The following MYOM1 variants were observed in gnomAD, a reference collection of about 807,000 sequenced individuals.
The protein encoded by MYOM1 is myomesin 1, also known as myomesin-1.
Under a neutral mutation model 205.3 loss-of-function variants are expected in MYOM1, and 164 were observed. The observed-to-expected ratio is 0.80, with a 90% confidence interval of 0.70 to 0.91. MYOM1 has a LOEUF of 0.91. Ranked by LOEUF, MYOM1 falls within the 40% of genes least tolerant of loss-of-function variation. The pLI is 0.00. For synonymous variants in MYOM1, 772 were observed against 789.4 expected (o/e 0.98, Z 0.37); for missense variants, 2,011 against 2,127.3 (o/e 0.95, Z 1.08).
At chr18:3,079,048 A>G in intron 34 of MYOM1, 131 bp downstream of exon 34, 2 of 777,416 alleles carry the variant, frequency 2.6e-6, no homozygotes, top group Non-Finnish European at 4.1e-6. Context: ...CCTGACTTCA[A>G]GTCATCCTCC....
chr18:3,169,086 A>G (rs1041418267), intron 8 of MYOM1, 105 bp from the exon 9 acceptor site: 3 of 964,776 alleles, frequency 3.1e-6, no homozygotes, highest in East Asian at 2.7e-5. Flanking sequence ...AAAAAAATGA[A>G]CAAATGAGCA....
At chr18:3,240,036 G>T in the MYOM1 span, among the ~76,000 whole-genome samples, 1 of 152,088 alleles carries the variant, frequency 6.6e-6, no homozygotes, top group South Asian at 2.1e-4. Context: ...TACAGATGAG[G>T]AAACTAAAAG....
intron 2 of MYOM1, 43 bp from the exon 3 acceptor site, chr18:3,194,001 ATTTACAATATT>A (rs766483274): frequency 6.3e-7 from 1 of 1,596,764 alleles, no homozygotes; most frequent in South Asian, 1.1e-5. Flanking sequence ...AAAAAAAGGC[ATTTACAATATT>A]CAAAATACGA....
In MYOM1 at chr18:3,157,468, A is replaced by G. The variant is rs75426535; in HGVS notation, c.1502-2380T>C. On this transcript the variant is annotated intron_variant, in intron 10 of 37. Transcript: ENST00000356443. ...CACTTTGGGTAGATCACTTGAGCCTAGGAATTCAAGAGCAGCCTGGGCAAC... is the reference window on the plus strand; with the variant it reads ...CACTTTGGGTAGATCACTTGAGCCTGGGAATTCAAGAGCAGCCTGGGCAAC... 2.3e-3 allele frequency among the ~76,000 whole-genome samples: 357 copies of G among 152,160 alleles called. 8 individuals carry two copies. The East Asian group carries it at 0.052, about 22-fold the overall frequency.
chr18:3,242,367 A>G, the MYOM1 span, among the ~76,000 whole-genome samples: 1 of 152,196 alleles, frequency 6.6e-6, no homozygotes, highest in African/African-American at 2.4e-5. Context: ...TTTAAAAAGG[A>G]GAGTTTCCCT....
Position 3,083,595 on chromosome 18 carries a change from A to AT in MYOM1, c.4484+193dup, listed in dbSNP as rs59299057. Among the ~76,000 whole-genome samples, 264 of 107,106 alleles carry AT rather than the reference A, an allele frequency of 2.5e-3. 2 individuals are homozygous for AT. The highest frequency in any genetic ancestry group is 0.016 in the Middle Eastern group (3 of 192). The allele number at this position is 107,106 out of a possible 152,430, so 70.3% of individuals were successfully genotyped here. On this transcript the variant is annotated intron_variant, in intron 33 of 37. Coordinates refer to ENST00000356443, the MANE Select transcript of MYOM1 (RefSeq NM_003803.4). Reference sequence around the variant, plus strand: ...AGGTGTCTGCCACTGCGCCCAGCTCATTTTTTTTTTTTTTTTTTTTTTGTA... The same window carrying AT: ...AGGTGTCTGCCACTGCGCCCAGCTCATTTTTTTTTTTTTTTTTTTTTTTGTA...
intron 13 of MYOM1, among the ~76,000 whole-genome samples, chr18:3,142,742 C>G (rs945305222): frequency 6.6e-6 from 1 of 152,200 alleles, no homozygotes; most frequent in Non-Finnish European, 1.5e-5. Context: ...GAACCCTCCA[C>G]AAGCAGGATT....
chr18:3,155,430 T>A (rs183262462), intron 10 of MYOM1, among the ~76,000 whole-genome samples: 1 of 152,210 alleles, frequency 6.6e-6, no homozygotes, highest in Non-Finnish European at 1.5e-5. Flanking sequence ...TTCACCGTGT[T>A]AGCCAGGATG....
At chr18:3,243,937 C>G in the MYOM1 span, among the ~76,000 whole-genome samples, 1 of 152,120 alleles carries the variant, frequency 6.6e-6, no homozygotes, top group African/African-American at 2.4e-5. Context: ...ACACCACCAC[C>G]TTACTCTGAG....
chr18:3,164,254 G>C (rs1171319210), intron 10 of MYOM1, 24 bp downstream of exon 10: 25 of 1,606,726 alleles, frequency 1.6e-5, no homozygotes, highest in Non-Finnish European at 2.1e-5. Context: ...ATTGTTAGGT[G>C]TTTTGTTTTT....
At chr18:3,171,139 C>T (rs1297484784) in intron 8 of MYOM1, among the ~76,000 whole-genome samples, 1 of 152,186 alleles carries the variant, frequency 6.6e-6, no homozygotes, top group Non-Finnish European at 1.5e-5. Flanking sequence ...GCCAGATTTG[C>T]ACCGGCTGGC....
intron 5 of MYOM1, among the ~76,000 whole-genome samples, chr18:3,186,802 G>GAGAAAGAAAGAAAGAGAA (rs2080819556): frequency 1.4e-5 from 2 of 138,788 alleles, no homozygotes; most frequent in African/African-American, 5.5e-5. Context: ...AAGAAAGAAA[G>GAGAAAGAAAGAAAGAGAA]AGAAAGAAAG....
rs750373702 is a variant in MYOM1, at chr18:3,112,337, A to G, written c.3379T>C (p.Ser1127Pro). The part of the protein sequence containing the change: ...AINQAGVGKP[S>P]DLAGPVVAET... ...GCCACAACAGGGCCAGCAAGGTCAG[A>G]TGGCTTCCCAACTCCCGCCTGGTTT... The change falls in exon 22 of 38, where the codon TCT becomes CCT. Residue 1127 changes from serine to proline, a missense_variant. Transcript: ENST00000356443. The G allele has an allele frequency of 6.2e-7, 1 of 1,613,066 alleles. No homozygotes were observed.
At chr18:3,103,746 A>G (rs1440428821) in intron 22 of MYOM1, among the ~76,000 whole-genome samples, 1 of 152,050 alleles carries the variant, frequency 6.6e-6, no homozygotes, top group Non-Finnish European at 1.5e-5. Flanking sequence ...TTGTTAGTGG[A>G]AAAAAAATTG....
chr18:3,157,680 A>AAAT (rs55669820), intron 10 of MYOM1, among the ~76,000 whole-genome samples: 32,678 of 139,422 alleles, frequency 0.23, 3,937 homozygotes, highest in East Asian at 0.3. Context: ...TTGTCTCCAA[A>AAAT]AATAATAATA....
chr18:3,109,448 G>A (rs2079495453), intron 22 of MYOM1, among the ~76,000 whole-genome samples: 1 of 152,220 alleles, frequency 6.6e-6, no homozygotes, highest in Non-Finnish European at 1.5e-5. Context: ...CAAGTTTGAT[G>A]TTCTGCTATC....
chr18:3,150,993 T>TTTTCA (rs2080211953), intron 12 of MYOM1, among the ~76,000 whole-genome samples: 1 of 148,300 alleles, frequency 6.7e-6, no homozygotes, highest in Non-Finnish European at 1.5e-5. Flanking sequence ...TTTTTTTTTT[T>TTTTCA]TTTTTTTCAT....
chr18:3,193,353 T>TACAC (rs1216529037), intron 3 of MYOM1, among the ~76,000 whole-genome samples: 1 of 103,162 alleles, frequency 9.7e-6, no homozygotes, highest in Admixed American at 9.1e-5. Flanking sequence ...TATACATATA[T>TACAC]ATATATATAC....
intron 13 of MYOM1, among the ~76,000 whole-genome samples, chr18:3,145,720 A>G (rs1166588663): frequency 6.6e-6 from 1 of 152,102 alleles, no homozygotes; most frequent in East Asian, 1.9e-4. Flanking sequence ...CTTAAGAAAC[A>G]AGAAAAAAAC....
Sources: gnomAD v4.1 joint callset for allele counts (sites outside exome capture counted in the v4.1 genomes callset) on GRCh38, gnomAD v4.1.1 for gene constraint, MANE v1.5 for transcripts, NCBI Gene and HGNC (gene_info 2026-07-23, HGNC 2026-07-21) for gene names.